The following OR56A3 variants were observed in gnomAD, a reference collection of about 807,000 sequenced individuals.
OR56A3 encodes olfactory receptor family 56 subfamily A member 3, also known as olfactory receptor 56A3.
Under a neutral mutation model 17.5 loss-of-function variants are expected in OR56A3, and 23 were observed. The observed-to-expected ratio is 1.32, with a 90% CI of 0.95 to 1.87. The LOEUF (loss-of-function observed/expected upper bound fraction) is 1.87, where lower values mean the gene tolerates loss of function less well. Among genes scored for constraint, OR56A3 ranks in the 40% most tolerant of loss-of-function variants. The pLI is 0.00. For synonymous variants in OR56A3, 175 were observed against 150.6 expected (o/e 1.16, Z -1.19); for missense variants, 366 against 380.1 (o/e 0.96, Z 0.31).
the OR56A3 span, among the ~76,000 whole-genome samples, chr11:5,976,020 T>C: frequency 6.6e-6 from 1 of 151,828 alleles, no homozygotes; most frequent in Non-Finnish European, 1.5e-5. Context: ...ATAAATATGT[T>C]TTTCAATTAA....
the OR56A3 span, among the ~76,000 whole-genome samples, chr11:5,962,531 CTTTTTTTTTTT>C: frequency 7.8e-6 from 1 of 128,412 alleles, no homozygotes; most frequent in Non-Finnish European, 1.7e-5. Context: ...CTGGGCTTTT[CTTTTTTTTTTT>C]TTTTTTTGAG....
chr11:5,988,199 C>T, the OR56A3 span, among the ~76,000 whole-genome samples: 2 of 152,284 alleles, frequency 1.3e-5, no homozygotes, highest in East Asian at 3.9e-4. Context: ...CAAAAGGACT[C>T]ATTGCCTATG....
downstream of OR56A3, among the ~76,000 whole-genome samples, chr11:5,955,349 C>T (rs1425275742): frequency 6.6e-6 from 1 of 152,016 alleles, no homozygotes; most frequent in Admixed American, 6.6e-5. Flanking sequence ...ATGTAGACAC[C>T]CAACAATGTA....
chr11:6,020,204 A>G, the OR56A3 span: 1 of 152,152 alleles, frequency 6.6e-6, no homozygotes, highest in African/African-American at 2.4e-5. Context: ...CAGGATCTTA[A>G]CATAATCATA....
chr11:6,016,906 C>A, the OR56A3 span: 1 of 151,474 alleles, frequency 6.6e-6, no homozygotes, highest in East Asian at 1.9e-4. Context: ...CAACAATAGA[C>A]TAGGTTAAGC....
At position 5,948,246 on chromosome 11, in the gene OR56A3, C is replaced by A. The variant is rs1847886553; in HGVS notation, c.900C>A (p.Thr300=). 14 of 1,614,052 alleles carry A rather than the reference C, an allele frequency of 8.7e-6. No individual in the cohort carries two copies. The highest frequency in any genetic ancestry group is 1.2e-5 in the Non-Finnish European group (14 of 1,179,988). ...ALNPIIYGVR[T]QEIKQGMQRL... The stretch of plus-strand genomic sequence containing the variant: ...ACCCCATCATTTACGGGGTGAGAAC[C>A]CAAGAAATTAAGCAGGGAATGCAGA... The change falls in exon 3 of 3, where the codon ACC becomes ACA. Residue 300 remains threonine (T), a synonymous_variant. Coordinates refer to ENST00000641160, the MANE Select transcript of OR56A3 (RefSeq NM_001003443.3).
At position 5,949,091 on chromosome 11, in the gene OR56A3, G is replaced by A. The variant is rs1564800270; in HGVS notation, c.*797G>A. ...GAGTCAAAAGATTGCTGGTATTAGAGCATACAATCTAGCAATAATATTGAC... is the reference window on the plus strand; with the variant it reads ...GAGTCAAAAGATTGCTGGTATTAGAACATACAATCTAGCAATAATATTGAC... On this transcript the variant is annotated 3_prime_UTR_variant, in exon 3 of 3. Transcript: ENST00000641160. 1 of 152,218 alleles carries A rather than the reference G, an allele frequency of 6.6e-6. No individual in the cohort carries two copies. Among genetic ancestry groups the A allele is most frequent in the East Asian group, 1.9e-4 (1 of 5,184 alleles). 9.4% of individuals were successfully genotyped at this position (152,218 alleles called of 1,614,324 possible).
intron 2 of OR56A3, among the ~76,000 whole-genome samples, chr11:5,946,617 G>T (rs1007507924): frequency 6.6e-6 from 1 of 152,154 alleles, no homozygotes; most frequent in Non-Finnish European, 1.5e-5. Flanking sequence ...ATGTGGAAGT[G>T]CCCACTCTCC....
the OR56A3 span, among the ~76,000 whole-genome samples, chr11:5,956,424 C>G: frequency 6.6e-6 from 1 of 152,202 alleles, no homozygotes; most frequent in South Asian, 2.1e-4. Context: ...TCACAGACAT[C>G]CTAACACAAT....
At chr11:5,982,449 C>T in the OR56A3 span, among the ~76,000 whole-genome samples, 78 of 152,160 alleles carry the variant, frequency 5.1e-4, 1 homozygote, top group South Asian at 4.1e-4. Flanking sequence ...AGTGAAGGAG[C>T]TATGGCAGTT....
the OR56A3 span, among the ~76,000 whole-genome samples, chr11:5,991,068 T>G: frequency 6.6e-6 from 1 of 152,212 alleles, no homozygotes; most frequent in Non-Finnish European, 1.5e-5. Context: ...CTATTCAGAA[T>G]GGCTGCACAG....
chr11:5,965,087 A>G, the OR56A3 span, among the ~76,000 whole-genome samples: 2 of 152,252 alleles, frequency 1.3e-5, no homozygotes, highest in Non-Finnish European at 2.9e-5. Context: ...TCCATTTCCC[A>G]TGTTCTTATA....
the OR56A3 span, among the ~76,000 whole-genome samples, chr11:5,983,749 T>C: frequency 0.01 from 1,568 of 152,324 alleles, 7 homozygotes; most frequent in Non-Finnish European, 0.015. Flanking sequence ...ACTAATACAA[T>C]TGGGCAGAGA....
the OR56A3 span, among the ~76,000 whole-genome samples, chr11:5,963,949 CCTTT>C: frequency 1.3e-5 from 2 of 151,970 alleles, no homozygotes; most frequent in Admixed American, 6.6e-5. Context: ...TTTTCAATAA[CCTTT>C]CTGTCTACAG....
At chr11:5,963,949 C>T in the OR56A3 span, among the ~76,000 whole-genome samples, 1 of 151,970 alleles carries the variant, frequency 6.6e-6, no homozygotes, top group Admixed American at 6.6e-5. Context: ...TTTTCAATAA[C>T]CTTTCTGTCT....
downstream of OR56A3, among the ~76,000 whole-genome samples, chr11:5,953,289 T>A (rs1290560541): frequency 6.6e-6 from 1 of 152,210 alleles, no homozygotes; most frequent in African/African-American, 2.4e-5. Context: ...TGCATTTCCC[T>A]TTCACTGCAG....
the OR56A3 span, among the ~76,000 whole-genome samples, chr11:5,970,882 T>A: frequency 1.3e-5 from 2 of 152,218 alleles, no homozygotes; most frequent in African/African-American, 4.8e-5. Context: ...TAGTAATTCT[T>A]AATAAATGCT....
chr11:5,995,698 G>A, the OR56A3 span, among the ~76,000 whole-genome samples: 1 of 152,120 alleles, frequency 6.6e-6, no homozygotes, highest in Non-Finnish European at 1.5e-5. Context: ...TAGCTAATTA[G>A]CATATACACT....
the OR56A3 span, among the ~76,000 whole-genome samples, chr11:5,969,864 G>T: frequency 6.6e-6 from 1 of 152,126 alleles, no homozygotes; most frequent in Non-Finnish European, 1.5e-5. Context: ...TGAATAAATA[G>T]CTCTGAGGAT....
Sources: allele counts gnomAD v4.1 joint callset (sites outside exome capture counted in the v4.1 genomes callset), GRCh38; gene constraint gnomAD v4.1.1; transcripts MANE v1.5; gene names NCBI Gene and HGNC (gene_info 2026-07-23, HGNC 2026-07-21).